Variants in THAP2 observed in about 807,000 individuals in gnomAD.
The protein encoded by THAP2 is THAP domain containing 2.
A neutral mutation model predicts 18.8 loss-of-function variants in THAP2; 16 were observed. The ratio of observed to expected loss-of-function variants is 0.85; its 90% CI spans 0.58 to 1.29. THAP2 has a LOEUF of 1.29. Ranked by LOEUF, THAP2 falls within the 50% of genes most tolerant of loss-of-function variation. The probability of loss-of-function intolerance (pLI) is 0.00; values close to 1 mark genes in which losing one functional copy is unlikely to be tolerated. For missense variants in THAP2, 251 were observed against 265.3 expected (o/e 0.95, Z 0.38); for synonymous variants, 80 against 89.2 (o/e 0.90, Z 0.58).
chr12:71,670,712 G>T (rs1019481489), intron 1 of THAP2, among the ~76,000 whole-genome samples: 21 of 152,128 alleles, frequency 1.4e-4, no homozygotes, highest in African/African-American at 4.6e-4. Flanking sequence ...GCCGAAGCAG[G>T]TGGGTCACCT....
Position 71,664,480 on chromosome 12 carries a change from C to G in THAP2, c.-30C>G, listed in dbSNP as rs754144290. ...TAGCAGCCAGCGCCTCAGTAGAGAC[C>G]TAAGGGCGCTGAATGAGTGGGAAAG... On this transcript the variant is annotated 5_prime_UTR_variant, in exon 1 of 3. Transcript: ENST00000308086. The G allele has an allele frequency of 1.7e-5, 28 of 1,613,820 alleles. No homozygotes were observed. The highest frequency in any genetic ancestry group is 2.4e-5 in the Non-Finnish European group (28 of 1,179,888).
chr12:71,665,039 G>GA (rs1881308502), intron 1 of THAP2: 2 of 697,908 alleles, frequency 2.9e-6, no homozygotes, highest in African/African-American at 3.5e-5. Context: ...CGGAGGAATT[G>GA]AGTCATCTTT....
chr12:71,676,865 A>C lies in THAP2; in HGVS notation c.444A>C (p.Leu148Phe), dbSNP rs756807319. The change falls in exon 3 of 3, where the codon TTA (leucine) becomes TTC (phenylalanine). Residue 148 changes from leucine to phenylalanine, a missense_variant. Coordinates refer to ENST00000308086, the MANE Select transcript of THAP2 (RefSeq NM_031435.4). ...IIKLEKEIASLRRKMKTCLQK... is the reference protein window; with the variant it reads ...IIKLEKEIASFRRKMKTCLQK... ...AACTGGAAAAAGAAATAGCAAGCTT[A>C]AGAAGAAAAATGAAAACTTGCCTAC... The C allele has an allele frequency of 6.2e-7, 1 of 1,613,686 alleles. No homozygotes were observed. The highest frequency in any genetic ancestry group is 1.1e-5 in the South Asian group (1 of 91,072).
Position 71,678,005 on chromosome 12 carries a change from G to A in THAP2, c.*897G>A, listed in dbSNP as rs1408280539. On this transcript the variant is annotated 3_prime_UTR_variant, in exon 3 of 3. Transcript: ENST00000308086. Reference sequence around the variant, plus strand: ...TCAGAAATAGTGTATCAATATAGTGGGCTTTTTTTTTCCTCTTCATAAACC... The same window carrying A: ...TCAGAAATAGTGTATCAATATAGTGAGCTTTTTTTTTCCTCTTCATAAACC... The A allele has an allele frequency of 1.3e-5, 2 of 151,948 alleles. No individual in the cohort carries two copies. Among genetic ancestry groups the A allele is most frequent in the Non-Finnish European group, 2.9e-5 (2 of 67,986 alleles). The allele number at this position is 151,948 out of a possible 1,614,324, so 9.4% of individuals were successfully genotyped here. A position where few individuals can be genotyped will look rare whatever the true frequency, so the allele number is the denominator to read the frequency against.
At chr12:71,665,897 G>A (rs2137575284) in intron 1 of THAP2, among the ~76,000 whole-genome samples, 1 of 152,310 alleles carries the variant, frequency 6.6e-6, no homozygotes, top group East Asian at 1.9e-4. Flanking sequence ...AACTTGATGA[G>A]AAAGGAACTT....
rs147151987 is a variant in THAP2 at position 71,674,387 on chromosome 12, A to G, written c.256A>G (p.Ile86Val). The change falls in exon 2 of 3, where the codon ATA (isoleucine) becomes GTA (valine). Residue 86 changes from isoleucine (I) to valine (V), a missense_variant. Transcript: ENST00000308086. ...VPTIFDFCTH[I>V]KSMKLKSRNL... ...AACCATTTTTGATTTTTGTACCCAT[A>G]TAAAGTCTATGGTAGGTAATGTTAC... The G allele has an allele frequency of 8.6e-5, 138 of 1,605,856 alleles. 1 individual carries two copies. The Middle Eastern group carries it at 1.7e-3, about 19-fold the overall frequency.
chr12:71,678,217 C>T lies in THAP2; in HGVS notation c.*1109C>T, dbSNP rs1209037361. 6.6e-6 allele frequency: 1 copy of T among 152,368 alleles called. No homozygotes were observed. The highest frequency in any genetic ancestry group is 1.5e-5 in the Non-Finnish European group (1 of 68,012). The allele number at this position is 152,368 out of a possible 1,614,324, so 9.4% of individuals were successfully genotyped here. A position where few individuals can be genotyped will look rare whatever the true frequency, so the allele number is the denominator to read the frequency against. ...GGCTAAGGTGGGAAGATCAATTGAA[C>T]CTAGGAGGTTGAGGCTATAGTGAGC... On this transcript the variant is annotated 3_prime_UTR_variant, in exon 3 of 3. Transcript: ENST00000308086.
Position 71,677,215 on chromosome 12 carries a change from T to A in THAP2, c.*107T>A. 1.9e-6 allele frequency: 2 copies of A among 1,063,322 alleles called. No individual in the cohort carries two copies. Among genetic ancestry groups the A allele is most frequent in the Non-Finnish European group, 2.5e-6 (2 of 797,398 alleles). The allele number at this position is 1,063,322 out of a possible 1,614,324, so 65.9% of individuals were successfully genotyped here. A position where few individuals can be genotyped will look rare whatever the true frequency, so the allele number is the denominator to read the frequency against. On this transcript the variant is annotated 3_prime_UTR_variant, in exon 3 of 3. Transcript: ENST00000308086. ...TTATTTAATAAAGTTTTACTTGAAGTAACATTACTGAATTTGTGAAGACTT... is the reference window on the plus strand; with the variant it reads ...TTATTTAATAAAGTTTTACTTGAAGAAACATTACTGAATTTGTGAAGACTT...
At chr12:71,670,936 CAAA>C (rs35547227) in intron 1 of THAP2, among the ~76,000 whole-genome samples, 4 of 98,942 alleles carry the variant, frequency 4.0e-5, no homozygotes, top group African/African-American at 3.4e-5. Flanking sequence ...AAAACTGTCT[CAAA>C]AAAAAAAAAA....
chr12:71,669,307 G>C (rs182403583), intron 1 of THAP2, among the ~76,000 whole-genome samples: 62 of 152,276 alleles, frequency 4.1e-4, no homozygotes, highest in African/African-American at 1.5e-3. Context: ...AATAAGATAG[G>C]ATTCCTAAAC....
intron 1 of THAP2, among the ~76,000 whole-genome samples, chr12:71,670,936 C>CAAAAAA (rs35547227): frequency 2.0e-5 from 2 of 98,952 alleles, no homozygotes; most frequent in Non-Finnish European, 4.5e-5. Context: ...AAAACTGTCT[C>CAAAAAA]AAAAAAAAAA....
chr12:71,671,880 A>G (rs11178885), intron 1 of THAP2, among the ~76,000 whole-genome samples: 5 of 152,226 alleles, frequency 3.3e-5, no homozygotes, highest in Non-Finnish European at 5.9e-5. Context: ...GCATTGTCCA[A>G]AATGGAAAGA....
rs1009735381 is a variant in THAP2 at position 71,674,248 on chromosome 12, T to C, written c.117T>C (p.Val39=). The C allele has an allele frequency of 6.2e-7, 1 of 1,612,858 alleles. No individual in the cohort carries two copies. Among genetic ancestry groups the C allele is most frequent in the East Asian group, 2.2e-5 (1 of 44,842 alleles). The change falls in exon 2 of 3, where the codon GTT becomes GTC. Residue 39 remains valine, a synonymous_variant. Transcript: ENST00000308086. The part of the protein sequence containing the change: ...PKRRKEWVRL[V]RRKNFVPGKH... ...GAAGAAAAGAATGGGTTCGCCTGGT[T>C]AGGCGCAAAAATTTTGTGCCAGGAA...
Position 71,677,051 on chromosome 12 carries a change from A to G in THAP2, c.630A>G (p.Gln210=). The G allele has an allele frequency of 6.2e-7, 1 of 1,612,800 alleles. No individual in the cohort carries two copies. Among genetic ancestry groups the G allele is most frequent in the Non-Finnish European group, 8.5e-7 (1 of 1,179,320 alleles). The change falls in exon 3 of 3, where the codon CAA becomes CAG. Residue 210 remains glutamine (Q), a synonymous_variant. Coordinates refer to ENST00000308086, the MANE Select transcript of THAP2 (RefSeq NM_031435.4). ...LEDFKILEQD[Q]QDKTLLSLNL... ...ATTTTAAGATCCTTGAACAAGATCA[A>G]CAAGATAAAACACTGCTAAGTCTAA...
intron 1 of THAP2, among the ~76,000 whole-genome samples, chr12:71,669,471 A>C (rs1881397468): frequency 6.6e-6 from 1 of 152,210 alleles, no homozygotes; most frequent in Admixed American, 6.5e-5. Context: ...GTCTTATACA[A>C]ATAATAATAC....
At chr12:71,664,800 C>G (rs1400576710) in intron 1 of THAP2, 5 of 713,030 alleles carry the variant, frequency 7.0e-6, no homozygotes, top group Admixed American at 2.0e-5. Context: ...ACTGTTTGGT[C>G]ATTACCCCTT....
Position 71,674,223 on chromosome 12 carries a change from G to A in THAP2, c.92G>A (p.Arg31Lys), listed in dbSNP as rs575423865. Residue 31 changes from arginine to lysine, a missense_variant, in exon 2 of 3, where the codon AGA becomes AAA. Transcript: ENST00000308086. ...TTAAGGTTTCCTTTGGATCCTAAAA[G>A]AAGAAAAGAATGGGTTCGCCTGGTT... The part of the protein sequence containing the change: ...SFHRFPLDPK[R>K]RKEWVRLVRR... 1.9e-5 allele frequency: 31 copies of A among 1,595,006 alleles called. No homozygotes were observed. The Admixed American group carries it at 4.4e-4, about 23-fold the overall frequency.
intron 1 of THAP2, among the ~76,000 whole-genome samples, chr12:71,672,522 C>G (rs1469362739): frequency 6.6e-6 from 1 of 152,064 alleles, no homozygotes; most frequent in Admixed American, 6.6e-5. Context: ...GGCTTTCTTA[C>G]AGCAATTGTG....
At position 71,664,500 on chromosome 12, in the gene THAP2, G is replaced by C; in HGVS notation, c.-10G>C. 4 of 1,614,148 alleles carry C rather than the reference G, an allele frequency of 2.5e-6. No individual in the cohort carries two copies. The highest frequency in any genetic ancestry group is 3.4e-6 in the Non-Finnish European group (4 of 1,180,032). ...GAGACCTAAGGGCGCTGAATGAGTG[G>C]GAAAGGGAAATGCCGACCAATTGCG... is the stretch of plus-strand genomic sequence containing the variant. On this transcript the variant is annotated 5_prime_UTR_variant, in exon 1 of 3. Coordinates refer to ENST00000308086, the MANE Select transcript of THAP2 (RefSeq NM_031435.4).
Sources: gnomAD v4.1 joint callset for allele counts (sites outside exome capture counted in the v4.1 genomes callset) on GRCh38, gnomAD v4.1.1 for gene constraint, MANE v1.5 for transcripts, NCBI Gene and HGNC (gene_info 2026-07-23, HGNC 2026-07-21) for gene names.